EHD2: variants seen among roughly 807,000 people sequenced by gnomAD.
EHD2 encodes EH domain-containing protein 2.
EHD2 carries 27 observed loss-of-function variants against 41.0 expected under a neutral mutation model. That is an observed-to-expected ratio of 0.66 (90% CI 0.49 to 0.91). EHD2 has a LOEUF of 0.91. EHD2 is among the 40% of genes least tolerant of loss of function. The probability of loss-of-function intolerance (pLI) is 0.00; values close to 1 mark genes in which losing one functional copy is unlikely to be tolerated. For missense variants in EHD2, 673 were observed against 773.9 expected, an observed-to-expected ratio of 0.87 and a Z score of 1.55; for synonymous variants, 342 against 341.0, an observed-to-expected ratio of 1.00 and a Z score of -0.03.
At chr19:47,731,279 A>AAAAAAAAAAAAAAAAAATTATAT in intron 4 of EHD2, 2 of 60,928 alleles carry the variant, frequency 3.3e-5, no homozygotes, top group African/African-American at 9.8e-5. Flanking sequence ...AAAAAAAAAA[A>AAAAAAAAAAAAAAAAAATTATAT]ATATATATAT....
chr19:47,731,280 A>AAAT (rs1491458646), intron 4 of EHD2: 12 of 54,714 alleles, frequency 2.2e-4, no homozygotes, highest in South Asian at 8.8e-4. Context: ...AAAAAAAAAA[A>AAAT]TATATATATA....
chr19:47,721,427 C>T (rs1973695677), intron 3 of EHD2, among the ~76,000 whole-genome samples: 1 of 151,900 alleles, frequency 6.6e-6, no homozygotes, highest in Non-Finnish European at 1.5e-5. Flanking sequence ...CAATTCTCTG[C>T]CTCAGCCTCC....
At chr19:47,738,468 A>C (rs2123659698) in intron 5 of EHD2, among the ~76,000 whole-genome samples, 1 of 150,828 alleles carries the variant, frequency 6.6e-6, no homozygotes, top group African/African-American at 2.4e-5. Context: ...ACGCCCAGCT[A>C]ATTTTGTATT....
At chr19:47,715,800 T>C (rs1428445497) in intron 1 of EHD2, among the ~76,000 whole-genome samples, 7 of 152,074 alleles carry the variant, frequency 4.6e-5, no homozygotes, top group African/African-American at 7.2e-5. Context: ...TTTTTTGAAA[T>C]GGAGTGTCGC....
At chr19:47,718,862 T>C (rs1014438034) in intron 3 of EHD2, among the ~76,000 whole-genome samples, 1 of 117,114 alleles carries the variant, frequency 8.5e-6, no homozygotes, top group Non-Finnish European at 1.7e-5. Context: ...GAGGAGGGAC[T>C]GGGGTCTGGA....
chr19:47,730,963 A>G (rs1450813411), intron 4 of EHD2, among the ~76,000 whole-genome samples: 1 of 152,000 alleles, frequency 6.6e-6, no homozygotes, highest in East Asian at 1.9e-4. Context: ...CATTAAACAA[A>G]TCAATGGTTA....
At chr19:47,720,797 G>A (rs1307876413) in intron 3 of EHD2, among the ~76,000 whole-genome samples, 10 of 152,058 alleles carry the variant, frequency 6.6e-5, no homozygotes, top group Non-Finnish European at 1.5e-4. Flanking sequence ...GACTACCTGT[G>A]ATTGTATCTC....
intron 4 of EHD2, among the ~76,000 whole-genome samples, chr19:47,734,204 G>A (rs974006127): frequency 4.6e-5 from 7 of 152,054 alleles, no homozygotes; most frequent in African/African-American, 1.7e-4. Context: ...GCGTAGTAGC[G>A]GGTGCCTGTA....
intron 4 of EHD2, among the ~76,000 whole-genome samples, chr19:47,729,277 C>T (rs1973784026): frequency 6.6e-6 from 1 of 152,018 alleles, no homozygotes. Flanking sequence ...TGTGCTAACT[C>T]AATTAGAGGC....
intron 4 of EHD2, among the ~76,000 whole-genome samples, chr19:47,733,773 A>AAAAAAAAAAAAAAAAAC (rs1568592563): frequency 2.0e-5 from 3 of 149,866 alleles, no homozygotes; most frequent in Non-Finnish European, 3.0e-5. Flanking sequence ...AAAAAAAAAA[A>AAAAAAAAAAAAAAAAAC]AATCCACTGT....
At position 47,742,491 on chromosome 19, in the gene EHD2, C is replaced by T. The variant is rs1967002715; in HGVS notation, c.*1059C>T. 1 of 160,482 alleles carries T rather than the reference C, an allele frequency of 6.2e-6. No homozygotes were observed. The highest frequency in any genetic ancestry group is 1.3e-5 in the Non-Finnish European group (1 of 74,234). The allele number at this position is 160,482 out of a possible 1,614,324, so 9.9% of individuals were successfully genotyped here. On this transcript the variant is annotated 3_prime_UTR_variant, in exon 6 of 6. Transcript: ENST00000263277. ...TTCACCATGTTGGCCAGGCTGGTCT[C>T]GAACTCCGCATCTCAGGTGATCTGC...
chr19:47,723,471 C>G (rs1412622455), intron 3 of EHD2, among the ~76,000 whole-genome samples: 2 of 151,914 alleles, frequency 1.3e-5, no homozygotes, highest in African/African-American at 2.4e-5. Context: ...ACCATCCTGG[C>G]CAACATGGTG....
intron 5 of EHD2, among the ~76,000 whole-genome samples, chr19:47,740,111 A>C (rs963916867): frequency 6.6e-6 from 1 of 152,120 alleles, no homozygotes; most frequent in Admixed American, 6.6e-5. Context: ...CACACCTGCA[A>C]TCCCAGCACT....
chr19:47,718,933 T>TG (rs59552209), intron 3 of EHD2, among the ~76,000 whole-genome samples: 2 of 122,168 alleles, frequency 1.6e-5, no homozygotes, highest in East Asian at 2.3e-4. Flanking sequence ...GGAGAGGGGC[T>TG]GGGCCTGGAC....
At chr19:47,736,207 A>AG (rs1050472465) in intron 4 of EHD2, among the ~76,000 whole-genome samples, 162 bp from the exon 5 acceptor site, 5 of 151,934 alleles carry the variant, frequency 3.3e-5, no homozygotes, top group South Asian at 2.1e-4. Flanking sequence ...AAGAAAAAAA[A>AG]AGAGAGAGAG....
At chr19:47,717,906 TAAAAAA>T (rs749665768) in intron 2 of EHD2, among the ~76,000 whole-genome samples, 1 of 93,880 alleles carries the variant, frequency 1.1e-5, no homozygotes. Context: ...AGACTCTGTC[TAAAAAA>T]AAAAAAAAAA....
chr19:47,723,855 TA>T (rs1408156615), intron 3 of EHD2, among the ~76,000 whole-genome samples: 1 of 151,888 alleles, frequency 6.6e-6, no homozygotes, highest in Non-Finnish European at 1.5e-5. Context: ...TTTTTTATTT[TA>T]TTTTTTTCTG....
intron 5 of EHD2, among the ~76,000 whole-genome samples, chr19:47,740,314 C>G: frequency 6.6e-6 from 1 of 152,150 alleles, no homozygotes; most frequent in Non-Finnish European, 1.5e-5. Flanking sequence ...TGGTGTGTGC[C>G]TGTGGTCCCA....
At chr19:47,727,431 G>T (rs1271168789) in intron 4 of EHD2, among the ~76,000 whole-genome samples, 1 of 152,112 alleles carries the variant, frequency 6.6e-6, no homozygotes, top group Non-Finnish European at 1.5e-5. Context: ...TGTACACATG[G>T]TGCTGGGGCT....
Sources: allele counts gnomAD v4.1 joint callset (sites outside exome capture counted in the v4.1 genomes callset), GRCh38; gene constraint gnomAD v4.1.1; transcripts MANE v1.5; gene names NCBI Gene and HGNC (gene_info 2026-07-23, HGNC 2026-07-21).